Variants in SLC25A18 observed in about 807,000 individuals in gnomAD.
SLC25A18 encodes solute carrier family 25 member 18.
Under a neutral mutation model 31.1 loss-of-function variants are expected in SLC25A18, and 24 were observed. The ratio of observed to expected loss-of-function variants is 0.77; its 90% CI spans 0.56 to 1.08. SLC25A18 has a LOEUF of 1.08. SLC25A18 is among the 50% of genes least tolerant of loss of function. The pLI is 0.00. For synonymous variants in SLC25A18, 173 were observed against 161.9 expected, an observed-to-expected ratio of 1.07 and a Z score of -0.52; for missense variants, 371 against 418.5, an observed-to-expected ratio of 0.89 and a Z score of 0.99.
chr22:17,586,962 C>T (rs151259324), intron 7 of SLC25A18, among the ~76,000 whole-genome samples, 174 bp from the exon 8 acceptor site: 92 of 152,270 alleles, frequency 6.0e-4, no homozygotes, highest in African/African-American at 1.9e-3. Flanking sequence ...CTTAGGAAGA[C>T]GTCCTCAGAG....
At chr22:17,565,405 T>TCAA (rs2056910489) in intron 1 of SLC25A18, among the ~76,000 whole-genome samples, 1 of 151,976 alleles carries the variant, frequency 6.6e-6, no homozygotes, top group Admixed American at 6.6e-5. Flanking sequence ...TTAATAGAGA[T>TCAA]AGGGTCTTGC....
intron 7 of SLC25A18, among the ~76,000 whole-genome samples, chr22:17,584,733 T>G (rs1307690491): frequency 1.7e-5 from 2 of 114,596 alleles, no homozygotes; most frequent in East Asian, 5.6e-4. Context: ...TGAGCTGAGA[T>G]CACGCCATTT....
At chr22:17,579,224 G>C (rs2057309938) in intron 2 of SLC25A18, among the ~76,000 whole-genome samples, 2 of 151,934 alleles carry the variant, frequency 1.3e-5, no homozygotes, top group Admixed American at 1.3e-4. Flanking sequence ...AGGTAGCTGG[G>C]ATTACTAGCC....
chr22:17,567,377 C>G (rs1231143467), intron 1 of SLC25A18, among the ~76,000 whole-genome samples: 1 of 152,152 alleles, frequency 6.6e-6, no homozygotes, highest in Admixed American at 6.5e-5. Context: ...GTCCACTCTA[C>G]AGCCTCATTT....
chr22:17,565,930 T>A (rs1459815493), intron 1 of SLC25A18, among the ~76,000 whole-genome samples: 9 of 152,122 alleles, frequency 5.9e-5, no homozygotes, highest in African/African-American at 2.2e-4. Context: ...CAGGCTCTAG[T>A]GATCCTCCCA....
intron 4 of SLC25A18, 63 bp downstream of exon 4, chr22:17,581,222 C>T (rs897736140): frequency 1.9e-6 from 3 of 1,568,340 alleles, no homozygotes; most frequent in African/African-American, 1.4e-5. Flanking sequence ...GGCCCCCTTC[C>T]CTCCAGTCTC....
rs1033714340 is a variant in SLC25A18 at position 17,563,820 on chromosome 22, G to T, written c.-264+107G>T. On this transcript the variant is annotated intron_variant, in intron 1 of 10. Transcript: ENST00000327451. ...TCTGCTCAGAGTTCATAATAAACCTGTATTGTGAATACAGAATACAGAAAA... is the reference window on the plus strand; with the variant it reads ...TCTGCTCAGAGTTCATAATAAACCTTTATTGTGAATACAGAATACAGAAAA... 14 of 625,522 alleles carry T rather than the reference G, an allele frequency of 2.2e-5. 1 individual carries two copies. In the Admixed American group the frequency reaches 6.3e-4, roughly 28 times the overall value. 38.7% of individuals were successfully genotyped at this position (625,522 alleles called of 1,614,324 possible).
At chr22:17,568,270 G>A (rs2056990019) in intron 1 of SLC25A18, among the ~76,000 whole-genome samples, 1 of 151,630 alleles carries the variant, frequency 6.6e-6, no homozygotes. Context: ...GGGAGGCTGA[G>A]GCAGGAGAAT....
At chr22:17,570,932 CAT>C (rs1222742690) in intron 2 of SLC25A18, among the ~76,000 whole-genome samples, 3 of 152,166 alleles carry the variant, frequency 2.0e-5, no homozygotes, top group African/African-American at 7.2e-5. Context: ...TCCAGAAAGG[CAT>C]GTGGGAGGAG....
chr22:17,584,495 T>C (rs1298698819), intron 7 of SLC25A18, among the ~76,000 whole-genome samples: 2 of 136,158 alleles, frequency 1.5e-5, no homozygotes, highest in African/African-American at 2.8e-5. Flanking sequence ...AAGAAAGAAA[T>C]GCCGCCCAGC....
At chr22:17,568,366 C>CAA (rs778315853) in intron 1 of SLC25A18, among the ~76,000 whole-genome samples, 24 of 67,646 alleles carry the variant, frequency 3.5e-4, no homozygotes, top group East Asian at 9.4e-4. Context: ...GACTCCATCT[C>CAA]AAAAAAAAAA....
chr22:17,568,555 C>CTTTTTTTT lies in SLC25A18; in HGVS notation c.-263-1350_-263-1343dup, dbSNP rs695361. 9.6e-5 allele frequency among the ~76,000 whole-genome samples: 6 copies of CTTTTTTTT among 62,534 alleles called. 1 individual carries two copies. The highest frequency in any genetic ancestry group is 1.4e-4 in the African/African-American group (2 of 14,208). The allele number at this position is 62,534 out of a possible 152,430, so 41.0% of individuals were successfully genotyped here. A position where few individuals can be genotyped will look rare whatever the true frequency, so the allele number is the denominator to read the frequency against. On this transcript the variant is annotated intron_variant, in intron 1 of 10. Transcript: ENST00000327451. ...TGGGAGCCGAGAATATAAAGTACATCTTTTTTTTTTTTTTTTTTTTTTTTT... is the reference window on the plus strand; with the variant it reads ...TGGGAGCCGAGAATATAAAGTACATCTTTTTTTTTTTTTTTTTTTTTTTTTTTTTTTTT...
At chr22:17,565,886 G>C (rs1260955918) in intron 1 of SLC25A18, among the ~76,000 whole-genome samples, 1 of 151,994 alleles carries the variant, frequency 6.6e-6, no homozygotes, top group Non-Finnish European at 1.5e-5. Context: ...AAGAGATGGG[G>C]TCTTGGATGT....
In SLC25A18 at chr22:17,573,979, C is replaced by T. The variant is rs373466079; in HGVS notation, c.-201+3993C>T. Among the ~76,000 whole-genome samples the T allele has an allele frequency of 6.6e-4, 100 of 152,290 alleles. 4 individuals carry two copies. The South Asian group carries it at 0.019, about 29-fold the overall frequency. ...TCAGTGTGGCTCACGCCTGTAATCC[C>T]GACACTTCGGGAGGTGGAGGTGTGC... On this transcript the variant is annotated intron_variant, in intron 2 of 10. Coordinates refer to ENST00000327451, the MANE Select transcript of SLC25A18 (RefSeq NM_031481.3).
intron 1 of SLC25A18, 127 bp from the exon 2 acceptor site, chr22:17,569,797 G>T: frequency 1.0e-6 from 1 of 985,448 alleles, no homozygotes; most frequent in Non-Finnish European, 1.2e-6. Context: ...CTATTTGAAG[G>T]TGCAGTGTGC....
chr22:17,588,001 A>T lies in SLC25A18; in HGVS notation c.652A>T (p.Lys218Ter), dbSNP rs764152177. ...NNLGFNELAG[K>*]ASFAHSFVSG... is the part of the protein sequence containing the mutation. Reference sequence around the variant, plus strand: ...CCTGGGGTTCAACGAGCTCGCCGGTAAGGCGTCCTTTGCACATTCCTTCGT... The same window carrying T: ...CCTGGGGTTCAACGAGCTCGCCGGTTAGGCGTCCTTTGCACATTCCTTCGT... Residue 218 changes from lysine (K) to a stop codon, truncating the protein, a stop_gained, in exon 9 of 11, where the codon AAG becomes TAG. Coordinates refer to ENST00000327451, the MANE Select transcript of SLC25A18 (RefSeq NM_031481.3). LOFTEE classifies it high-confidence loss of function. 1.2e-6 allele frequency: 2 copies of T among 1,614,232 alleles called. No homozygotes were observed. Among genetic ancestry groups the T allele is most frequent in the Middle Eastern group, 1.6e-4 (1 of 6,062 alleles).
chr22:17,569,302 C>T (rs1405227229), intron 1 of SLC25A18, among the ~76,000 whole-genome samples: 1 of 152,254 alleles, frequency 6.6e-6, no homozygotes, highest in East Asian at 1.9e-4. Flanking sequence ...GCCACCGCGC[C>T]CAGCCCTCTT....
intron 2 of SLC25A18, among the ~76,000 whole-genome samples, chr22:17,576,189 T>A (rs1302822212): frequency 1.3e-5 from 2 of 151,772 alleles, no homozygotes; most frequent in African/African-American, 4.8e-5. Context: ...CCATCTCTAC[T>A]AAAAATACAA....
chr22:17,576,341 G>A (rs1569182080), intron 2 of SLC25A18, among the ~76,000 whole-genome samples: 2 of 150,872 alleles, frequency 1.3e-5, no homozygotes, highest in Non-Finnish European at 2.9e-5. Flanking sequence ...ACGACAGAGT[G>A]AGACTCCGTC....
Sources: allele counts gnomAD v4.1 joint callset (sites outside exome capture counted in the v4.1 genomes callset), GRCh38; gene constraint gnomAD v4.1.1; transcripts MANE v1.5; gene names NCBI Gene and HGNC (gene_info 2026-07-23, HGNC 2026-07-21).